SLTM: variants seen among roughly 807,000 people sequenced by gnomAD.
The protein encoded by SLTM is SAFB-like transcription modulator.
SLTM carries 43 observed loss-of-function variants against 134.6 expected under a neutral mutation model. The ratio of observed to expected loss-of-function variants is 0.32; its 90% CI spans 0.25 to 0.41. The LOEUF (loss-of-function observed/expected upper bound fraction) is 0.41. SLTM is among the 10% of genes least tolerant of loss of function. The pLI is 1.00. For missense variants in SLTM, 1,055 were observed against 1,288.8 expected (o/e 0.82, Z 2.78); for synonymous variants, 424 against 432.3 (o/e 0.98, Z 0.24).
intron 9 of SLTM, among the ~76,000 whole-genome samples, chr15:58,894,872 G>A (rs1010480282): frequency 1.3e-5 from 2 of 151,926 alleles, no homozygotes; most frequent in Non-Finnish European, 2.9e-5. Context: ...GCCCTGCTAA[G>A]TTTTGTATTT....
chr15:58,894,855 C>T (rs892080005), intron 9 of SLTM, among the ~76,000 whole-genome samples: 1 of 152,054 alleles, frequency 6.6e-6, no homozygotes, highest in African/African-American at 2.4e-5. Flanking sequence ...CAGGCATGCA[C>T]CACCATGCCC....
At chr15:58,901,158 T>C in intron 6 of SLTM, 102 bp downstream of exon 6, 1 of 906,782 alleles carries the variant, frequency 1.1e-6, no homozygotes, top group South Asian at 1.5e-5. Flanking sequence ...AATTTGAAAA[T>C]AAACTAATTT....
rs756144660 is a variant in SLTM at position 58,898,871 on chromosome 15, A to G, written c.1059-19T>C. On this transcript the variant is annotated intron_variant, in intron 7 of 20. Transcript: ENST00000380516. ...TGAAGAGCTAAAGAGGCAAATCACC[A>G]GAAGAAAATTGAAAACAAAAACAAA... The G allele has an allele frequency of 1.0e-5, 16 of 1,598,822 alleles. No homozygotes were observed. The East Asian group carries it at 2.7e-4, about 27-fold the overall frequency.
chr15:58,906,028 C>G (rs556397969), intron 5 of SLTM, among the ~76,000 whole-genome samples: 1 of 152,120 alleles, frequency 6.6e-6, no homozygotes, highest in Non-Finnish European at 1.5e-5. Flanking sequence ...ATGAACCACA[C>G]GTAAATGCCT....
At chr15:58,898,127 G>T (rs1210681697) in intron 8 of SLTM, 1 of 152,008 alleles carries the variant, frequency 6.6e-6, no homozygotes, top group East Asian at 1.9e-4. Context: ...GATTTCTAAC[G>T]ATTTAAAATA....
intron 5 of SLTM, 137 bp downstream of exon 5, chr15:58,912,426 G>C: frequency 2.5e-6 from 2 of 815,458 alleles, no homozygotes; most frequent in Non-Finnish European, 4.1e-6. Flanking sequence ...TAAGTACTTT[G>C]TGTACATCAC....
intron 5 of SLTM, among the ~76,000 whole-genome samples, chr15:58,901,702 C>T (rs1291207367): frequency 1.3e-5 from 2 of 152,052 alleles, no homozygotes; most frequent in African/African-American, 4.8e-5. Flanking sequence ...AATCTGTAGA[C>T]GTAACTTTCA....
intron 9 of SLTM, 126 bp from the exon 10 acceptor site, chr15:58,894,708 T>TC: frequency 1.3e-6 from 1 of 796,236 alleles, no homozygotes; most frequent in Non-Finnish European, 1.8e-6. Flanking sequence ...GTCTCATGTT[T>TC]TTTTTTTTTT....
chr15:58,933,678 A>G lies in SLTM; in HGVS notation c.-113T>C, dbSNP rs1323746641. 8.5e-6 allele frequency: 11 copies of G among 1,301,408 alleles called. No homozygotes were observed. In the South Asian group the frequency reaches 1.9e-4, roughly 23 times the overall value. The allele number at this position is 1,301,408 out of a possible 1,614,324, so 80.6% of individuals were successfully genotyped here. On this transcript the variant is annotated 5_prime_UTR_variant, in exon 1 of 21. Transcript: ENST00000380516. ...CCGGCGCCGCGCAGCGCTGCGCACAATGAGCCGCTGGCCCCTCCCCCGGTC... is the reference window on the plus strand; with the variant it reads ...CCGGCGCCGCGCAGCGCTGCGCACAGTGAGCCGCTGGCCCCTCCCCCGGTC...
chr15:58,929,937 T>G (rs2037749639), intron 2 of SLTM, among the ~76,000 whole-genome samples: 1 of 152,154 alleles, frequency 6.6e-6, no homozygotes, highest in Non-Finnish European at 1.5e-5. Context: ...ATAAAATAAT[T>G]GAATCAATAA....
chr15:58,894,606 G>A, intron 9 of SLTM, 24 bp from the exon 10 acceptor site: 1 of 1,612,596 alleles, frequency 6.2e-7, no homozygotes, highest in Non-Finnish European at 8.5e-7. Flanking sequence ...CTGTACTTTA[G>A]AGAGTTTTAC....
At chr15:58,910,743 CTTTT>C (rs543560542) in intron 5 of SLTM, among the ~76,000 whole-genome samples, 2 of 116,280 alleles carry the variant, frequency 1.7e-5, no homozygotes, top group South Asian at 2.9e-4. Context: ...CTCATAGATT[CTTTT>C]TTTTTTTTTT....
intron 8 of SLTM, 40 bp from the exon 9 acceptor site, chr15:58,897,273 C>G (rs777679852): frequency 8.5e-7 from 1 of 1,180,108 alleles, no homozygotes; most frequent in South Asian, 1.3e-5. Flanking sequence ...GTATCTCAAT[C>G]AGAATCTTTA....
intron 6 of SLTM, chr15:58,900,661 G>A (rs1470929169): frequency 3.3e-5 from 5 of 152,926 alleles, no homozygotes; most frequent in Non-Finnish European, 5.8e-5. Context: ...GCTTAACCCT[G>A]CTCCATGTCC....
chr15:58,931,509 G>A (rs978700246), intron 2 of SLTM, among the ~76,000 whole-genome samples: 1 of 152,162 alleles, frequency 6.6e-6, no homozygotes, highest in Non-Finnish European at 1.5e-5. Flanking sequence ...AAATGCAGCA[G>A]CTGTTCATGA....
chr15:58,928,025 C>A (rs6494046), intron 2 of SLTM, among the ~76,000 whole-genome samples: 4,069 of 152,214 alleles, frequency 0.027, 182 homozygotes, highest in African/African-American at 0.094. Context: ...TTGGCCAAAC[C>A]TATAACCTCA....
intron 5 of SLTM, among the ~76,000 whole-genome samples, chr15:58,912,014 G>A (rs2036305662): frequency 6.6e-6 from 1 of 151,806 alleles, no homozygotes; most frequent in South Asian, 2.1e-4. Flanking sequence ...AGAAAGGATG[G>A]ACTTTTTTCT....
chr15:58,908,002 C>CGTGTGTGTGT (rs140029214), intron 5 of SLTM, among the ~76,000 whole-genome samples: 12,770 of 139,770 alleles, frequency 0.091, 755 homozygotes, highest in Admixed American at 0.14. Context: ...AAACATGCTG[C>CGTGTGTGTGT]GTGTGTGTGT....
intron 2 of SLTM, among the ~76,000 whole-genome samples, chr15:58,929,145 G>T (rs567850752): frequency 6.6e-6 from 1 of 152,262 alleles, no homozygotes; most frequent in African/African-American, 2.4e-5. Context: ...AAAAAGAATT[G>T]AATGTAGTAA....
Sources: gnomAD v4.1 joint callset for allele counts (sites outside exome capture counted in the v4.1 genomes callset) on GRCh38, gnomAD v4.1.1 for gene constraint, MANE v1.5 for transcripts, NCBI Gene and HGNC (gene_info 2026-07-23, HGNC 2026-07-21) for gene names.